CEMIP: variants seen among roughly 807,000 people sequenced by gnomAD.
CEMIP encodes cell migration-inducing and hyaluronan-binding protein.
In CEMIP, 105 loss-of-function variants were observed where a neutral mutation model predicts 156.9. That is an observed-to-expected ratio of 0.67 (90% CI 0.57 to 0.79). The LOEUF is 0.79. Among genes scored for constraint, CEMIP ranks in the 30% least tolerant of loss-of-function variants. CEMIP has a pLI of 0.00. For synonymous variants in CEMIP, 676 were observed against 668.4 expected (o/e 1.01, Z -0.17); for missense variants, 1,457 against 1,769.4 (o/e 0.82, Z 3.17).
intron 1 of CEMIP, among the ~76,000 whole-genome samples, chr15:80,807,364 G>A (rs1433491102): frequency 1.3e-5 from 2 of 152,024 alleles, no homozygotes; most frequent in East Asian, 3.9e-4. Flanking sequence ...CTAAGTAGCT[G>A]GGACTACAGG....
At chr15:80,909,041 AG>A in intron 13 of CEMIP, 55 bp from the exon 14 acceptor site, 1 of 1,540,752 alleles carries the variant, frequency 6.5e-7, no homozygotes, top group South Asian at 1.1e-5. Flanking sequence ...GGCACCAGCC[AG>A]GGAAATCACA....
intron 17 of CEMIP, 90 bp downstream of exon 17, chr15:80,922,227 G>A (rs1412427219): frequency 3.5e-5 from 53 of 1,532,606 alleles, no homozygotes; most frequent in South Asian, 2.8e-4. Context: ...GCCAGTTGGC[G>A]ACAGCTGGGA....
chr15:80,905,598 G>C (rs1899766949), intron 12 of CEMIP, among the ~76,000 whole-genome samples: 2 of 152,162 alleles, frequency 1.3e-5, no homozygotes, highest in Admixed American at 1.3e-4. Context: ...GTTAGGTGCA[G>C]ACCACAGGTT....
chr15:80,879,911 C>A, intron 5 of CEMIP, 57 bp downstream of exon 5: 2 of 1,603,304 alleles, frequency 1.2e-6, no homozygotes, highest in Non-Finnish European at 1.7e-6. Flanking sequence ...AAGAGGGAGA[C>A]TTTCCAAGAC....
intron 1 of CEMIP, among the ~76,000 whole-genome samples, chr15:80,787,199 G>C (rs1457960053): frequency 1.3e-5 from 2 of 152,224 alleles, no homozygotes; most frequent in Non-Finnish European, 2.9e-5. Flanking sequence ...TCCTTAGAAA[G>C]GGAACTGAAG....
intron 25 of CEMIP, 138 bp from the exon 26 acceptor site, chr15:80,941,711 G>A: frequency 1.3e-6 from 1 of 740,896 alleles, no homozygotes; most frequent in Non-Finnish European, 2.4e-6. Flanking sequence ...GCAACTCGGT[G>A]GTAGACATGG....
chr15:80,913,294 C>A (rs957643996), intron 14 of CEMIP, among the ~76,000 whole-genome samples: 5 of 152,250 alleles, frequency 3.3e-5, no homozygotes, highest in Non-Finnish European at 1.5e-5. Flanking sequence ...CCTGTCCTGA[C>A]ACAAATGTGG....
At chr15:80,899,883 A>G (rs1308694764) in intron 12 of CEMIP, among the ~76,000 whole-genome samples, 1 of 152,196 alleles carries the variant, frequency 6.6e-6, no homozygotes, top group African/African-American at 2.4e-5. Flanking sequence ...GGGAGGTCAG[A>G]TGTCCCCCTG....
At chr15:80,899,212 C>CA (rs761899088) in intron 12 of CEMIP, among the ~76,000 whole-genome samples, 1,480 of 129,700 alleles carry the variant, frequency 0.011, 34 homozygotes, top group African/African-American at 0.046. Flanking sequence ...TACTCTGTCT[C>CA]AAAAAAAAAA....
At chr15:80,878,913 A>G (rs1421401855) in intron 4 of CEMIP, 46 bp downstream of exon 4, 9 of 1,611,032 alleles carry the variant, frequency 5.6e-6, no homozygotes, top group East Asian at 2.2e-5. Flanking sequence ...CCACTGCCCC[A>G]GAGCTTAGCA....
rs116055465 is a variant in CEMIP, at chr15:80,942,478, G to C, written c.3699+141G>C. Reference sequence around the variant, plus strand: ...TTTCCTCCAGGGGGCTTGGGGCGGGGAACCTGTTCCATGCCTCTTCTCGCT... The same window carrying C: ...TTTCCTCCAGGGGGCTTGGGGCGGGCAACCTGTTCCATGCCTCTTCTCGCT... On this transcript the variant is annotated intron_variant, in intron 27 of 29. Coordinates refer to ENST00000394685, the MANE Select transcript of CEMIP (RefSeq NM_001293298.2). 1,542 of 744,178 alleles carry C rather than the reference G, an allele frequency of 2.1e-3. 23 individuals carry two copies. In the African/African-American group the frequency reaches 0.024, roughly 12 times the overall value. The allele number at this position is 744,178 out of a possible 1,614,324, so 46.1% of individuals were successfully genotyped here. A position where few individuals can be genotyped will look rare whatever the true frequency, so the allele number is the denominator to read the frequency against.
At chr15:80,832,516 G>A (rs955553755) in intron 1 of CEMIP, among the ~76,000 whole-genome samples, 1 of 152,096 alleles carries the variant, frequency 6.6e-6, no homozygotes, top group Non-Finnish European at 1.5e-5. Flanking sequence ...AGTGCATGTT[G>A]TGCATTTGAA....
At chr15:80,847,276 T>G (rs1420251756) in intron 1 of CEMIP, among the ~76,000 whole-genome samples, 2 of 152,220 alleles carry the variant, frequency 1.3e-5, no homozygotes, top group African/African-American at 4.8e-5. Context: ...TTTGAACTCC[T>G]GACCTTAAGT....
chr15:80,842,447 C>T (rs960312003), intron 1 of CEMIP, among the ~76,000 whole-genome samples: 5 of 152,090 alleles, frequency 3.3e-5, no homozygotes, highest in African/African-American at 4.8e-5. Context: ...AAGAGAAATC[C>T]GGGGTTGGGT....
chr15:80,936,430 G>A (rs1360996037), intron 23 of CEMIP, among the ~76,000 whole-genome samples: 1 of 152,158 alleles, frequency 6.6e-6, no homozygotes, highest in Non-Finnish European at 1.5e-5. Flanking sequence ...AAGCTCAACA[G>A]AGCACTTTTA....
rs76023943 is a variant in CEMIP at position 80,937,609 on chromosome 15, T to C, written c.3222-185T>C. On this transcript the variant is annotated intron_variant, in intron 24 of 29. Coordinates refer to ENST00000394685, the MANE Select transcript of CEMIP (RefSeq NM_001293298.2). Reference sequence around the variant, plus strand: ...TCTTTGCTCATGGGCAGCCATTGTCTCTCCCTCTCTCCTTGAACACTGCAA... The same window carrying C: ...TCTTTGCTCATGGGCAGCCATTGTCCCTCCCTCTCTCCTTGAACACTGCAA... 0.02 allele frequency among the ~76,000 whole-genome samples: 3,071 copies of C among 152,300 alleles called. 113 individuals are homozygous for C. The highest frequency in any genetic ancestry group is 0.07 in the African/African-American group (2,914 of 41,554).
intron 8 of CEMIP, 68 bp downstream of exon 8, chr15:80,887,832 T>G (rs771356375): frequency 5.2e-5 from 66 of 1,263,394 alleles, no homozygotes; most frequent in Non-Finnish European, 7.6e-5. Context: ...GCAGGGCTTT[T>G]CTGAACATCT....
At chr15:80,874,789 A>C (rs1317642487) in intron 3 of CEMIP, among the ~76,000 whole-genome samples, 1 of 152,220 alleles carries the variant, frequency 6.6e-6, no homozygotes, top group Non-Finnish European at 1.5e-5. Context: ...TAAATTTCAA[A>C]TGGGGGTTTA....
intron 1 of CEMIP, among the ~76,000 whole-genome samples, chr15:80,854,726 A>C (rs925300672): frequency 1.3e-5 from 2 of 152,240 alleles, no homozygotes; most frequent in East Asian, 3.8e-4. Flanking sequence ...TATAAGCTAG[A>C]CAGGAATCTT....
Sources: allele counts gnomAD v4.1 joint callset (sites outside exome capture counted in the v4.1 genomes callset), GRCh38; gene constraint gnomAD v4.1.1; transcripts MANE v1.5; gene names NCBI Gene and HGNC (gene_info 2026-07-23, HGNC 2026-07-21).